Variants in FAM110C observed in about 807,000 individuals in gnomAD.
FAM110C encodes the protein family with sequence similarity 110 member C, also known as protein FAM110C.
In FAM110C, 19 loss-of-function variants were observed where a neutral mutation model predicts 15.7. The ratio of observed to expected loss-of-function variants is 1.21; its 90% CI spans 0.85 to 1.78. FAM110C has a LOEUF of 1.78. Ranked by LOEUF, FAM110C falls within the 40% of genes most tolerant of loss-of-function variation. FAM110C has a pLI of 0.00. For missense variants in FAM110C, 547 were observed against 495.7 expected (o/e 1.10, Z -0.98); for synonymous variants, 275 against 233.9 (o/e 1.18, Z -1.61).
rs1664273582 is a variant in FAM110C, at chr2:45,829, C to T, written c.557G>A (p.Gly186Glu). Residue 186 changes from glycine to glutamate, a missense_variant, in exon 1 of 2, where the codon GGG becomes GAG. Coordinates refer to ENST00000327669, the MANE Select transcript of FAM110C (RefSeq NM_001077710.3). Reference protein sequence around the residue: ...APSSVPAAPPGPEPRVVRRRG... With the variant: ...APSSVPAAPPEPEPRVVRRRG... Reference sequence around the variant, plus strand: ...ACGCCTCACCACCCGCGGCTCTGGCCCAGGGGGCGCGGCCGGGACACTGGA... The same window carrying T: ...ACGCCTCACCACCCGCGGCTCTGGCTCAGGGGGCGCGGCCGGGACACTGGA... 1.9e-6 allele frequency: 3 copies of T among 1,541,248 alleles called. No individual in the cohort carries two copies. The highest frequency in any genetic ancestry group is 2.0e-5 in the Admixed American group (1 of 51,090).
At chr2:43,361 C>A in intron 1 of FAM110C, 1 of 985,382 alleles carries the variant, frequency 1.0e-6, no homozygotes, top group Non-Finnish European at 1.2e-6. Context: ...CTGGAACAAA[C>A]GGGATTCAGG....
rs915843500 is a variant in FAM110C, at chr2:46,223, C to T, written c.163G>A (p.Gly55Ser). 7.2e-7 allele frequency: 1 copy of T among 1,388,662 alleles called. No homozygotes were observed. Among genetic ancestry groups the T allele is most frequent in the Middle Eastern group, 2.3e-4 (1 of 4,400 alleles). The allele number at this position is 1,388,662 out of a possible 1,614,324, so 86.0% of individuals were successfully genotyped here. Reference sequence around the variant, plus strand: ...CTGCCCTCGGAAGCGACGCCCCGGCCAGTCCCCGGCCGACCCCGCACATAC... The same window carrying T: ...CTGCCCTCGGAAGCGACGCCCCGGCTAGTCCCCGGCCGACCCCGCACATAC... The part of the protein sequence containing the change: ...AKYVRGRPGT[G>S]RGVASEGSGP... Residue 55 changes from glycine to serine, a missense_variant, in exon 1 of 2, where the codon GGC becomes AGC. Physicochemically the swap from Gly to Ser is moderately conservative, Grantham distance 56. Coordinates refer to ENST00000327669, the MANE Select transcript of FAM110C (RefSeq NM_001077710.3).
chr2:45,873 G>A lies in FAM110C; in HGVS notation c.513C>T (p.Ala171=), dbSNP rs1184802121. The part of the protein sequence containing the change: ...DPAIPETPAP[A]ARSAAPSSVP... The stretch of plus-strand genomic sequence containing the variant: ...CACTGGAGGGCGCCGCGGACCGCGC[G>A]GCTGGGGCTGGGGTCTCGGGGATTG... The change falls in exon 1 of 2, where the codon GCC becomes GCT. Residue 171 remains alanine (A), a synonymous_variant. Transcript: ENST00000327669. 4.8e-6 allele frequency: 7 copies of A among 1,462,756 alleles called. No homozygotes were observed. The Admixed American group carries it at 1.6e-4, about 34-fold the overall frequency. The allele number at this position is 1,462,756 out of a possible 1,614,324, so 90.6% of individuals were successfully genotyped here. A position where few individuals can be genotyped will look rare whatever the true frequency, so the allele number is the denominator to read the frequency against.
intron 1 of FAM110C, chr2:43,629 G>T: frequency 2.0e-6 from 2 of 985,366 alleles, no homozygotes; most frequent in Non-Finnish European, 2.4e-6. Flanking sequence ...ATTCGAGATG[G>T]GAACCAGCCT....
intron 1 of FAM110C, chr2:41,968 A>G: frequency 3.0e-6 from 3 of 985,460 alleles, no homozygotes; most frequent in Non-Finnish European, 3.6e-6. Flanking sequence ...GAGTTGGACA[A>G]CAAAATAGGA....
Position 45,681 on chromosome 2 carries a change from C to G in FAM110C, c.705G>C (p.Glu235Asp), listed in dbSNP as rs746135311. 6.2e-7 allele frequency: 1 copy of G among 1,606,710 alleles called. No individual in the cohort carries two copies. The highest frequency in any genetic ancestry group is 2.2e-5 in the East Asian group (1 of 44,568). Residue 235 changes from glutamate to aspartate, a missense_variant, in exon 1 of 2, where the codon GAG (glutamate) becomes GAC (aspartate). By Grantham distance (45) the Glu-to-Asp change is conservative (BLOSUM62 2). Transcript: ENST00000327669. ...DPEVVEALGRENFTAGSDCVT... is the reference protein window; with the variant it reads ...DPEVVEALGRDNFTAGSDCVT... ...CACAGTCCGACCCCGCGGTGAAGTTCTCCCTCCCCAGGGCCTCCACCACCT... is the reference window on the plus strand; with the variant it reads ...CACAGTCCGACCCCGCGGTGAAGTTGTCCCTCCCCAGGGCCTCCACCACCT...
Position 46,095 on chromosome 2 carries a change from C to T in FAM110C, c.291G>A (p.Pro97=). ...RRAIARKPLR[P]DSLIIYRQKC... is the part of the protein sequence containing the mutation. Reference sequence around the variant, plus strand: ...TCTGCCGGTAGATGATCAGCGAGTCCGGTCTCAACGGCTTCCGCGCAATAG... The same window carrying T: ...TCTGCCGGTAGATGATCAGCGAGTCTGGTCTCAACGGCTTCCGCGCAATAG... The change falls in exon 1 of 2, where the codon CCG becomes CCA. Residue 97 remains proline (P), a synonymous_variant. Coordinates refer to ENST00000327669, the MANE Select transcript of FAM110C (RefSeq NM_001077710.3). 6.6e-7 allele frequency: 1 copy of T among 1,511,098 alleles called. No individual in the cohort carries two copies. Among genetic ancestry groups the T allele is most frequent in the Non-Finnish European group, 8.8e-7 (1 of 1,137,530 alleles). The allele number at this position is 1,511,098 out of a possible 1,614,324, so 93.6% of individuals were successfully genotyped here. A position where few individuals can be genotyped will look rare whatever the true frequency, so the allele number is the denominator to read the frequency against.
intron 1 of FAM110C, chr2:43,338 C>T (rs986736726): frequency 3.0e-6 from 3 of 985,272 alleles, no homozygotes; most frequent in African/African-American, 1.7e-5. Flanking sequence ...AGACAGTTGC[C>T]ATTGTCTCCA....
Position 39,157 on chromosome 2 carries a change from C to T in FAM110C, c.*2451G>A, listed in dbSNP as rs576609632. 20 of 152,308 alleles carry T rather than the reference C, an allele frequency of 1.3e-4. No individual in the cohort carries two copies. The highest frequency in any genetic ancestry group is 2.5e-4 in the Non-Finnish European group (17 of 68,036). The allele number at this position is 152,308 out of a possible 1,614,324, so 9.4% of individuals were successfully genotyped here. On this transcript the variant is annotated 3_prime_UTR_variant, in exon 2 of 2. Transcript: ENST00000327669. ...ATTGCCCATTCTTGTGGGAAGCAAT[C>T]GCAAGCTTTTCATCCCGACTGAACT...
intron 1 of FAM110C, chr2:43,091 C>T (rs1250433824): frequency 5.1e-6 from 5 of 985,374 alleles, no homozygotes; most frequent in African/African-American, 1.7e-5. Context: ...GACACTGTTC[C>T]GGTGATCTGG....
Position 45,515 on chromosome 2 carries a change from C to A in FAM110C, c.871G>T (p.Ala291Ser). ...GTGTACAGCCACTTGATGATGCGGG[C>A]GTTCCTCTCGATGACCGAAGTGGTG... ...PSTTSVIERN[A>S]RIIKWLYTCK... is the part of the protein sequence containing the mutation. Residue 291 changes from alanine (A) to serine (S), a missense_variant, in exon 1 of 2, where the codon GCC (alanine) becomes TCC (serine). Ala to Ser is a moderately conservative substitution (Grantham distance 99). Coordinates refer to ENST00000327669, the MANE Select transcript of FAM110C (RefSeq NM_001077710.3). The A allele has an allele frequency of 1.2e-6, 2 of 1,614,174 alleles. No homozygotes were observed. Among genetic ancestry groups the A allele is most frequent in the Non-Finnish European group, 1.7e-6 (2 of 1,180,020 alleles).
At chr2:44,231 T>C (rs1664213099) in intron 1 of FAM110C, 1 of 985,206 alleles carries the variant, frequency 1.0e-6, no homozygotes. Context: ...AACACAAATC[T>C]TCTATAAATT....
At chr2:43,555 C>A in intron 1 of FAM110C, 2 of 985,380 alleles carry the variant, frequency 2.0e-6, no homozygotes, top group Non-Finnish European at 2.4e-6. Context: ...CCTAAAAGGT[C>A]TTTAGGATTT....
chr2:43,755 A>G (rs1664192843), intron 1 of FAM110C: 1 of 985,408 alleles, frequency 1.0e-6, no homozygotes, highest in Non-Finnish European at 1.2e-6. Flanking sequence ...AAGTCTACCT[A>G]CTGCCTGCAC....
chr2:43,665 G>T, intron 1 of FAM110C: 1 of 985,322 alleles, frequency 1.0e-6, no homozygotes, highest in Non-Finnish European at 1.2e-6. Flanking sequence ...AGAGCAGGCT[G>T]CTTTTATTTT....
At position 45,735 on chromosome 2, in the gene FAM110C, G is replaced by A. The variant is rs1225429768; in HGVS notation, c.651C>T (p.Thr217=). ...GGTCCAGGCCGCAGTACTGGAAGAA[G>A]GTGTCAGACTCGGCCAAGGCAGCGG... is the stretch of plus-strand genomic sequence containing the variant. ...RYSAALAESD[T]FFQYCGLDPE... Residue 217 remains threonine, a synonymous_variant, in exon 1 of 2, where the codon ACC becomes ACT. Transcript: ENST00000327669. 2 of 1,598,182 alleles carry A rather than the reference G, an allele frequency of 1.3e-6. No individual in the cohort carries two copies. The highest frequency in any genetic ancestry group is 1.1e-5 in the South Asian group (1 of 89,170).
chr2:39,269 A>G lies in FAM110C; in HGVS notation c.*2339T>C, dbSNP rs1237852645. On this transcript the variant is annotated 3_prime_UTR_variant, in exon 2 of 2. Coordinates refer to ENST00000327669, the MANE Select transcript of FAM110C (RefSeq NM_001077710.3). ...AGTTCTTTAGTTTTACTTTTTATATATATTTTTAGAGACAGGGTCTTGCTC... is the reference window on the plus strand; with the variant it reads ...AGTTCTTTAGTTTTACTTTTTATATGTATTTTTAGAGACAGGGTCTTGCTC... The G allele has an allele frequency of 1.3e-5, 2 of 152,146 alleles. No individual in the cohort carries two copies. The highest frequency in any genetic ancestry group is 2.4e-5 in the African/African-American group (1 of 41,420). 9.4% of individuals were successfully genotyped at this position (152,146 alleles called of 1,614,324 possible). A position where few individuals can be genotyped will look rare whatever the true frequency, so the allele number is the denominator to read the frequency against.
intron 1 of FAM110C, chr2:43,666 C>T (rs1664188598): frequency 1.0e-6 from 1 of 985,212 alleles, no homozygotes; most frequent in Admixed American, 6.2e-5. Flanking sequence ...GAGCAGGCTG[C>T]TTTTATTTTT....
In FAM110C at chr2:46,317, G is replaced by C; in HGVS notation, c.69C>G (p.Thr23=). 7.5e-7 allele frequency: 1 copy of C among 1,328,040 alleles called. No individual in the cohort carries two copies. Among genetic ancestry groups the C allele is most frequent in the Non-Finnish European group, 9.6e-7 (1 of 1,046,328 alleles). 82.3% of individuals were successfully genotyped at this position (1,328,040 alleles called of 1,614,324 possible). A position where few individuals can be genotyped will look rare whatever the true frequency, so the allele number is the denominator to read the frequency against. The part of the protein sequence containing the change: ...ERLLPRDPAA[T]RDPDAARPAR... ...CCGGCCGCGCGGCGTCGGGGTCCCG[G>C]GTAGCCGCGGGGTCCCGGGGAAGGA... is the stretch of plus-strand genomic sequence containing the variant. Residue 23 remains threonine, a synonymous_variant, in exon 1 of 2, where the codon ACC becomes ACG. Coordinates refer to ENST00000327669, the MANE Select transcript of FAM110C (RefSeq NM_001077710.3).
Sources: allele counts gnomAD v4.1 joint callset, GRCh38; gene constraint gnomAD v4.1.1; transcripts MANE v1.5; gene names NCBI Gene and HGNC (gene_info 2026-07-23, HGNC 2026-07-21).